The following DCLK1 variants were observed in gnomAD, a reference collection of about 807,000 sequenced individuals.
The protein encoded by DCLK1 is doublecortin like kinase 1, also known as serine/threonine-protein kinase DCLK1.
Under a neutral mutation model 86.2 loss-of-function variants are expected in DCLK1, and 16 were observed. The observed-to-expected ratio is 0.19, with a 90% CI of 0.13 to 0.28. The LOEUF (loss-of-function observed/expected upper bound fraction) is 0.28, where lower values mean the gene tolerates loss of function less well. DCLK1 is among the 10% of genes least tolerant of loss of function. The probability of loss-of-function intolerance (pLI) is 1.00; values close to 1 mark genes in which losing one functional copy is unlikely to be tolerated. For missense variants in DCLK1, 590 were observed against 940.2 expected (o/e 0.63, Z 4.87); for synonymous variants, 369 against 370.5 (o/e 1.00, Z 0.05).
chr13:35,815,992 G>A (rs1717787593), intron 11 of DCLK1, among the ~76,000 whole-genome samples: 1 of 152,142 alleles, frequency 6.6e-6, no homozygotes, highest in Admixed American at 6.6e-5. Context: ...AGATGGAGAA[G>A]TGAACGGAAA....
intron 3 of DCLK1, among the ~76,000 whole-genome samples, chr13:36,095,339 G>C (rs1014573421): frequency 1.3e-5 from 2 of 152,106 alleles, no homozygotes; most frequent in South Asian, 4.2e-4. Flanking sequence ...CTGAGTAGCT[G>C]GGACTATAGG....
At chr13:35,918,479 T>TA (rs1875565034) in intron 4 of DCLK1, among the ~76,000 whole-genome samples, 2 of 152,168 alleles carry the variant, frequency 1.3e-5, no homozygotes, top group African/African-American at 4.8e-5. Context: ...ATATGACACT[T>TA]ATTGCATAGT....
chr13:35,810,178 A>T (rs1408017719), intron 12 of DCLK1, among the ~76,000 whole-genome samples: 2 of 152,178 alleles, frequency 1.3e-5, no homozygotes, highest in Non-Finnish European at 1.5e-5. Context: ...CATGGTATCT[A>T]ACCCATTAGA....
chr13:36,123,795 T>C (rs1442852897), intron 2 of DCLK1, among the ~76,000 whole-genome samples: 1 of 152,234 alleles, frequency 6.6e-6, no homozygotes, highest in Non-Finnish European at 1.5e-5. Flanking sequence ...AGAGCTATCA[T>C]TATTACCTTC....
In DCLK1 at chr13:35,827,615, T is replaced by A. The variant is rs779128179; in HGVS notation, c.1407+20A>T. 2.5e-6 allele frequency: 4 copies of A among 1,613,372 alleles called. No homozygotes were observed. In the South Asian group the frequency reaches 4.4e-5, roughly 18 times the overall value. On this transcript the variant is annotated intron_variant, in intron 10 of 16. Transcript: ENST00000360631. ...TGCGGTGCCATCAATAAAGACTTAC[T>A]TTCTTTCCAAAATACACACCTTTAC...
chr13:36,098,614 G>C (rs898821350), intron 3 of DCLK1, among the ~76,000 whole-genome samples: 2 of 152,168 alleles, frequency 1.3e-5, no homozygotes, highest in East Asian at 3.8e-4. Context: ...CCTCAAAATA[G>C]ATCCACATTT....
intron 16 of DCLK1, among the ~76,000 whole-genome samples, chr13:35,777,670 A>T (rs2086446947): frequency 1.3e-5 from 2 of 152,194 alleles, no homozygotes. Flanking sequence ...TTTGATGCTC[A>T]TAAATTCCTA....
chr13:35,777,904 T>A (rs941508706), intron 16 of DCLK1, among the ~76,000 whole-genome samples: 2 of 152,230 alleles, frequency 1.3e-5, no homozygotes, highest in African/African-American at 4.8e-5. Context: ...AGTACCATTA[T>A]CGTTGTTCAT....
intron 3 of DCLK1, among the ~76,000 whole-genome samples, chr13:36,066,259 A>T (rs117421946): frequency 6.6e-6 from 1 of 152,114 alleles, no homozygotes; most frequent in East Asian, 1.9e-4. Flanking sequence ...CTAGAAATCA[A>T]CCCAGGGCTT....
chr13:36,088,893 A>T (rs1884714030), intron 3 of DCLK1, among the ~76,000 whole-genome samples: 1 of 152,220 alleles, frequency 6.6e-6, no homozygotes, highest in African/African-American at 2.4e-5. Flanking sequence ...ATTTCTTCAG[A>T]CATTTCACTC....
intron 3 of DCLK1, among the ~76,000 whole-genome samples, chr13:36,083,224 T>C (rs1566674118): frequency 6.6e-6 from 1 of 152,226 alleles, no homozygotes; most frequent in Non-Finnish European, 1.5e-5. Context: ...TGGTGGCCTG[T>C]AGCAAACTCT....
chr13:35,959,393 T>A (rs1010861691), intron 3 of DCLK1, among the ~76,000 whole-genome samples: 1 of 152,044 alleles, frequency 6.6e-6, no homozygotes, highest in African/African-American at 2.4e-5. Flanking sequence ...TCACTGGCCA[T>A]TAACACAGGC....
In DCLK1 at chr13:35,846,652, T is replaced by G. The variant is rs553405135; in HGVS notation, c.1036-7476A>C. 3 of 985,384 alleles carry G rather than the reference T, an allele frequency of 3.0e-6. No homozygotes were observed. In the Admixed American group the frequency reaches 1.8e-4, roughly 61 times the overall value. The allele number at this position is 985,384 out of a possible 1,614,324, so 61.0% of individuals were successfully genotyped here. A position where few individuals can be genotyped will look rare whatever the true frequency, so the allele number is the denominator to read the frequency against. On this transcript the variant is annotated intron_variant, in intron 6 of 16. Coordinates refer to ENST00000360631, the MANE Select transcript of DCLK1 (RefSeq NM_001330071.2). ...ACGCTATATCAGGCAATTGGTATATTGAATTCAGTGTATCTCTATTTTTCA... is the reference window on the plus strand; with the variant it reads ...ACGCTATATCAGGCAATTGGTATATGGAATTCAGTGTATCTCTATTTTTCA...
chr13:36,004,250 T>C (rs942007338), intron 3 of DCLK1, among the ~76,000 whole-genome samples: 1 of 152,220 alleles, frequency 6.6e-6, no homozygotes, highest in Non-Finnish European at 1.5e-5. Context: ...TTCCAGAGAC[T>C]ATCTAAAAAT....
rs555164996 is a variant in DCLK1 at position 35,948,022 on chromosome 13, C to T, written c.724-565G>A. Among the ~76,000 whole-genome samples the T allele has an allele frequency of 2.6e-4, 40 of 152,240 alleles. No individual in the cohort carries two copies. The South Asian group carries it at 7.7e-3, about 29-fold the overall frequency. On this transcript the variant is annotated intron_variant, in intron 3 of 16. Transcript: ENST00000360631. ...TAGAGAGATTATGGTAAGTGTATGC[C>T]CACCACCCAAGCTCTGCCAAACTCT...
intron 11 of DCLK1, among the ~76,000 whole-genome samples, chr13:35,812,299 T>A (rs1218638075): frequency 6.8e-6 from 1 of 146,338 alleles, no homozygotes; most frequent in Non-Finnish European, 1.5e-5. Flanking sequence ...AGTAAAAGGC[T>A]AGTAATTCCA....
intron 3 of DCLK1, among the ~76,000 whole-genome samples, chr13:36,011,178 C>T (rs1881246521): frequency 1.3e-5 from 1 of 75,558 alleles, no homozygotes; most frequent in Non-Finnish European, 2.7e-5. Context: ...AAAAAACCAG[C>T]TCCTGGATTC....
chr13:35,845,085 T>C (rs904368834), intron 6 of DCLK1, among the ~76,000 whole-genome samples: 2 of 152,096 alleles, frequency 1.3e-5, no homozygotes, highest in African/African-American at 4.8e-5. Flanking sequence ...CTGTCTCTAC[T>C]AAAAATACAA....
At chr13:35,926,114 A>G (rs1323256786) in intron 4 of DCLK1, among the ~76,000 whole-genome samples, 1 of 150,596 alleles carries the variant, frequency 6.6e-6, no homozygotes, top group East Asian at 2.0e-4. Flanking sequence ...GCTGGAGTGC[A>G]GTGGCACGAT....
Sources: gnomAD v4.1 joint callset for allele counts (sites outside exome capture counted in the v4.1 genomes callset) on GRCh38, gnomAD v4.1.1 for gene constraint, MANE v1.5 for transcripts, NCBI Gene and HGNC (gene_info 2026-07-23, HGNC 2026-07-21) for gene names.